Variants in PPARGC1A observed in about 807,000 individuals in gnomAD.
PPARGC1A encodes peroxisome proliferator-activated receptor gamma coactivator 1-alpha.
In PPARGC1A, 25 loss-of-function variants were observed where a neutral mutation model predicts 88.7. The observed-to-expected ratio is 0.28, with a 90% confidence interval of 0.21 to 0.39. The LOEUF is 0.39. Among genes scored for constraint, PPARGC1A ranks in the 10% least tolerant of loss-of-function variants. PPARGC1A has a pLI of 1.00. For missense variants in PPARGC1A, 880 were observed against 968.7 expected, an observed-to-expected ratio of 0.91 and a Z score of 1.22; for synonymous variants, 363 against 355.6, an observed-to-expected ratio of 1.02 and a Z score of -0.24.
chr4:24,472,280 C>T, the PPARGC1A span, among the ~76,000 whole-genome samples: 2 of 151,870 alleles, frequency 1.3e-5, no homozygotes, highest in Non-Finnish European at 2.9e-5. This position sits in a 1 kb window ranked among gnomAD's most constrained non-coding sequence, Gnocchi z 4.5. Context: ...TCCTCCCCAC[C>T]CCCTCCCGAG....
chr4:23,966,194 T>C, the PPARGC1A span, among the ~76,000 whole-genome samples: 4 of 152,318 alleles, frequency 2.6e-5, no homozygotes, highest in East Asian at 7.7e-4. Flanking sequence ...TGCAGCAACA[T>C]AGAGTCTAGA....
chr4:24,040,733 T>C, the PPARGC1A span, among the ~76,000 whole-genome samples: 1 of 152,226 alleles, frequency 6.6e-6, no homozygotes, highest in East Asian at 1.9e-4. Flanking sequence ...CAACCATAGT[T>C]TTGTTTCAAT....
the PPARGC1A span, among the ~76,000 whole-genome samples, chr4:24,002,095 C>CAGAGAGAGAG: frequency 1.5e-3 from 172 of 116,902 alleles, no homozygotes; most frequent in South Asian, 0.011. Flanking sequence ...CACACACACA[C>CAGAGAGAGAG]ACAGAGAGAG....
chr4:24,173,516 A>C, the PPARGC1A span, among the ~76,000 whole-genome samples: 4 of 152,156 alleles, frequency 2.6e-5, no homozygotes. Context: ...GGGCAACCTA[A>C]GCAGACTCTG....
the PPARGC1A span, among the ~76,000 whole-genome samples, chr4:24,471,835 C>G: frequency 5.3e-5 from 8 of 152,238 alleles, no homozygotes; most frequent in African/African-American, 1.2e-4. This position sits in a 1 kb window ranked among gnomAD's most constrained non-coding sequence, Gnocchi z 5.4. Context: ...CCCCACCCCC[C>G]CCACCTCCGC....
At chr4:23,850,289 A>G (rs779151581) in intron 2 of PPARGC1A, among the ~76,000 whole-genome samples, 44 of 152,342 alleles carry the variant, frequency 2.9e-4, no homozygotes, top group South Asian at 1.4e-3. Context: ...ATACATTGCC[A>G]AGATCATCTT....
rs1480375425 is a variant in PPARGC1A, at chr4:23,802,237, G to C, written c.2128C>G (p.Leu710Val). ...FGEIEECTVN[L>V]RDDGDSYGFI... ...GAAGATTCTCACCCATCATCCCGCAGATTTACTGTGCACTCCTCAATTTCA... is the reference window on the plus strand; with the variant it reads ...GAAGATTCTCACCCATCATCCCGCACATTTACTGTGCACTCCTCAATTTCA... The change falls in exon 11 of 13, where the codon CTG becomes GTG. Residue 710 changes from leucine to valine, a missense_variant. Transcript: ENST00000264867. 6.2e-7 allele frequency: 1 copy of C among 1,614,014 alleles called. No homozygotes were observed.
chr4:23,943,650 A>C, the PPARGC1A span, among the ~76,000 whole-genome samples: 1 of 152,174 alleles, frequency 6.6e-6, no homozygotes, highest in Non-Finnish European at 1.5e-5. Context: ...CTTAAGTGTG[A>C]GCTGTATTTA....
At chr4:24,128,205 G>A in the PPARGC1A span, among the ~76,000 whole-genome samples, 13 of 152,088 alleles carry the variant, frequency 8.5e-5, no homozygotes, top group East Asian at 3.9e-4. Flanking sequence ...TTATACACTC[G>A]TCCTGGTTTA....
the PPARGC1A span, among the ~76,000 whole-genome samples, chr4:24,196,692 C>T: frequency 6.6e-6 from 1 of 152,176 alleles, no homozygotes; most frequent in Admixed American, 6.5e-5. Flanking sequence ...TTGATGTAGG[C>T]ACAATTCCTG....
the PPARGC1A span, among the ~76,000 whole-genome samples, chr4:24,084,459 G>A: frequency 1.1e-4 from 17 of 152,324 alleles, no homozygotes; most frequent in African/African-American, 3.6e-4. Flanking sequence ...TCCACCTCCG[G>A]GGAGGAGAAA....
chr4:24,120,238 G>C, the PPARGC1A span, among the ~76,000 whole-genome samples: 1 of 152,130 alleles, frequency 6.6e-6, no homozygotes, highest in Non-Finnish European at 1.5e-5. Context: ...CCGAGTCCCA[G>C]GGATGTCATG....
chr4:24,308,958 G>C, the PPARGC1A span, among the ~76,000 whole-genome samples: 2 of 151,968 alleles, frequency 1.3e-5, no homozygotes, highest in African/African-American at 4.8e-5. Flanking sequence ...CAACATTTGA[G>C]TAGAAGGTGT....
the PPARGC1A span, among the ~76,000 whole-genome samples, chr4:24,171,630 T>C: frequency 3.3e-5 from 5 of 152,190 alleles, no homozygotes; most frequent in Non-Finnish European, 7.3e-5. Context: ...TGTCACTAAA[T>C]ATAAATTCAC....
chr4:24,471,252 A>G, the PPARGC1A span, among the ~76,000 whole-genome samples: 1 of 151,468 alleles, frequency 6.6e-6, no homozygotes. The surrounding 1 kb of genome is among the most constrained non-coding windows in gnomAD (Gnocchi z 5.4). Context: ...AATGCCTTTC[A>G]CCATTGCTCC....
chr4:23,814,499 T>G lies in PPARGC1A; in HGVS notation c.984A>C (p.Ser328=). ...AAGACTCACTGTACCTGGGCTTCTT[T>G]GATGGTGGTGGCACCACAGTCTTGC... ...SSCKTVVPPP[S]KKPRYSESSG... is the part of the protein sequence containing the mutation. Residue 328 remains serine (S), a synonymous_variant, in exon 8 of 13, where the codon TCA becomes TCC. Coordinates refer to ENST00000264867, the MANE Select transcript of PPARGC1A (RefSeq NM_013261.5). 1 of 1,613,728 alleles carries G rather than the reference T, an allele frequency of 6.2e-7. No homozygotes were observed. The highest frequency in any genetic ancestry group is 1.1e-5 in the South Asian group (1 of 91,056).
At chr4:24,030,617 C>A in the PPARGC1A span, among the ~76,000 whole-genome samples, 5,636 of 152,280 alleles carry the variant, frequency 0.037, 321 homozygotes, top group African/African-American at 0.13. Context: ...GACCACAGCA[C>A]CACCTCATCC....
At chr4:23,992,813 G>A in the PPARGC1A span, among the ~76,000 whole-genome samples, 1 of 152,046 alleles carries the variant, frequency 6.6e-6, no homozygotes, top group Non-Finnish European at 1.5e-5. Flanking sequence ...TATACACATG[G>A]AAATGAAGTC....
At chr4:24,233,642 G>T in the PPARGC1A span, among the ~76,000 whole-genome samples, 1 of 150,354 alleles carries the variant, frequency 6.7e-6, no homozygotes, top group African/African-American at 2.5e-5. Context: ...CCAAGGTTTA[G>T]TAAATACTCC....
Sources: gnomAD v4.1 joint callset for allele counts (sites outside exome capture counted in the v4.1 genomes callset) on GRCh38, gnomAD v4.1.1 for gene constraint, Gnocchi (gnomAD v3.1) non-coding constraint, MANE v1.5 for transcripts, NCBI Gene and HGNC (gene_info 2026-07-23, HGNC 2026-07-21) for gene names.